FETUB: variants seen among roughly 807,000 people sequenced by gnomAD.
FETUB encodes fetuin B, also known as fetuin-B.
Under a neutral mutation model 30.9 loss-of-function variants are expected in FETUB, and 28 were observed. The observed-to-expected ratio is 0.90, with a 90% CI of 0.67 to 1.24. The LOEUF is 1.24. FETUB is among the 50% of genes most tolerant of loss of function. FETUB has a pLI of 0.00. For synonymous variants in FETUB, 186 were observed against 175.9 expected (o/e 1.06, Z -0.45); for missense variants, 469 against 455.3 (o/e 1.03, Z -0.27).
At chr3:186,648,685 T>C (rs2108539431) in intron 5 of FETUB, among the ~76,000 whole-genome samples, 1 of 152,390 alleles carries the variant, frequency 6.6e-6, no homozygotes, top group East Asian at 1.9e-4. Flanking sequence ...AACAAAGTTT[T>C]GTAGTTTTCA....
chr3:186,647,806 C>A (rs1376348588), intron 5 of FETUB, among the ~76,000 whole-genome samples: 1 of 152,022 alleles, frequency 6.6e-6, no homozygotes, highest in Non-Finnish European at 1.5e-5. Flanking sequence ...ACTTTCTTGA[C>A]AACGTTCTTT....
intron 5 of FETUB, among the ~76,000 whole-genome samples, chr3:186,649,321 C>G (rs920751540): frequency 1.3e-5 from 2 of 152,138 alleles, no homozygotes; most frequent in Non-Finnish European, 2.9e-5. Flanking sequence ...TTTAGGCAAT[C>G]TGTTTAGACA....
At position 186,642,510 on chromosome 3, in the gene FETUB, C is replaced by T. The variant is rs1219069418; in HGVS notation, c.376C>T (p.Pro126Ser). ...CAAAGCAATATTTTATATGAACAAC[C>T]CAAGTAGAGTTCTCTATTTAGCTGC... ...QCKAIFYMNN[P>S]SRVLYLAAYN... The change falls in exon 3 of 7, where the codon CCA (proline) becomes TCA (serine). Residue 126 changes from proline to serine, a missense_variant. Pro to Ser is a moderately conservative substitution (Grantham distance 74). Transcript: ENST00000265029. 2 of 1,610,206 alleles carry T rather than the reference C, an allele frequency of 1.2e-6. No individual in the cohort carries two copies. Among genetic ancestry groups the T allele is most frequent in the Non-Finnish European group, 1.7e-6 (2 of 1,177,012 alleles).
Position 186,646,346 on chromosome 3 carries a change from T to C in FETUB, c.693T>C (p.Ser231=). The C allele has an allele frequency of 6.2e-7, 1 of 1,608,620 alleles. No homozygotes were observed. Among genetic ancestry groups the C allele is most frequent in the African/African-American group, 1.3e-5 (1 of 74,904 alleles). Residue 231 remains serine, a synonymous_variant, in exon 5 of 7, where the codon TCT becomes TCC. Coordinates refer to ENST00000265029, the MANE Select transcript of FETUB (RefSeq NM_014375.3). Reference sequence around the variant, plus strand: ...GCTGTTCACTTCAGTCCTCCGACTCTGTGGTGAGTTTTCCTGAATGTCTTC... The same window carrying C: ...GCTGTTCACTTCAGTCCTCCGACTCCGTGGTGAGTTTTCCTGAATGTCTTC... ...ASSCSLQSSD[S]VPVGLCKGSL... is the part of the protein sequence containing the mutation.
At chr3:186,651,509 A>G in intron 6 of FETUB, 1 of 537,832 alleles carries the variant, frequency 1.9e-6, no homozygotes, top group Non-Finnish European at 3.3e-6. Flanking sequence ...AGAATAAGCA[A>G]GACAAATTCA....
rs1220024481 is a variant in FETUB at position 186,652,879 on chromosome 3, A to C, written c.*248A>C. On this transcript the variant is annotated 3_prime_UTR_variant, in exon 7 of 7. Coordinates refer to ENST00000265029, the MANE Select transcript of FETUB (RefSeq NM_014375.3). ...ATCACCTCCTAAACTGAGCAGTCTC[A>C]TACCATGGAGAGATGCCTCTCTTAT... is the stretch of plus-strand genomic sequence containing the variant. The C allele has an allele frequency of 2.5e-6, 1 of 407,204 alleles. No individual in the cohort carries two copies. The highest frequency in any genetic ancestry group is 4.4e-6 in the Non-Finnish European group (1 of 229,736). 25.2% of individuals were successfully genotyped at this position (407,204 alleles called of 1,614,324 possible).
chr3:186,643,086 C>T (rs1198967927), intron 3 of FETUB, among the ~76,000 whole-genome samples: 1 of 152,158 alleles, frequency 6.6e-6, no homozygotes, highest in East Asian at 1.9e-4. Flanking sequence ...AGGAATGGTG[C>T]TTTTGTAATC....
chr3:186,651,798 G>C (rs1447807659), intron 6 of FETUB: 2 of 176,810 alleles, frequency 1.1e-5, no homozygotes, highest in Admixed American at 1.1e-4. Context: ...TGTGTAACAG[G>C]CACACACTTA....
upstream of FETUB, chr3:186,636,093 C>A (rs1380012687): frequency 2.0e-5 from 3 of 152,234 alleles, no homozygotes; most frequent in African/African-American, 7.2e-5. Context: ...TACTCACCCC[C>A]AGGCCTGAAC....
intron 6 of FETUB, among the ~76,000 whole-genome samples, 168 bp from the exon 7 acceptor site, chr3:186,652,094 CT>C (rs771600127): frequency 1.6e-4 from 24 of 152,182 alleles, no homozygotes; most frequent in Non-Finnish European, 2.8e-4. Flanking sequence ...CTGGTTCCCC[CT>C]GGCCCTTATC....
At chr3:186,647,039 T>A (rs1167916205) in intron 5 of FETUB, 1 of 152,242 alleles carries the variant, frequency 6.6e-6, no homozygotes, top group African/African-American at 2.4e-5. Context: ...GGAAACCACT[T>A]ACCTACTTTC....
At chr3:186,640,101 G>A (rs1288123329), upstream of FETUB, among the ~76,000 whole-genome samples, 2 of 152,196 alleles carry the variant, frequency 1.3e-5, no homozygotes, top group Admixed American at 6.5e-5. Flanking sequence ...AAGGTGTTAG[G>A]GGAGAGGGGG....
Position 186,640,508 on chromosome 3 carries a change from C to T in FETUB, c.48C>T (p.Cys16=), listed in dbSNP as rs112267492. 58 of 1,614,066 alleles carry T rather than the reference C, an allele frequency of 3.6e-5. No homozygotes were observed. The highest frequency in any genetic ancestry group is 1.5e-4 in the South Asian group (14 of 91,082). The change falls in exon 1 of 7, where the codon TGC becomes TGT. Residue 16 remains cysteine, a synonymous_variant. Transcript: ENST00000265029. ...CACTCTGCATCCTAGTCCTGTGCTG[C>T]GGAGCAATGTCTCCACCCCAGCTGG... is the stretch of plus-strand genomic sequence containing the variant. ...PLALCILVLC[C]GAMSPPQLAL...
At chr3:186,637,380 A>G (rs1055761052), upstream of FETUB, among the ~76,000 whole-genome samples, 6 of 152,182 alleles carry the variant, frequency 3.9e-5, no homozygotes, top group African/African-American at 1.4e-4. Flanking sequence ...CAGTTTTGCT[A>G]AGTACACATC....
In FETUB at chr3:186,644,879, A is replaced by G; in HGVS notation, c.553A>G (p.Lys185Glu). The G allele has an allele frequency of 6.2e-7, 1 of 1,613,854 alleles. No individual in the cohort carries two copies. The highest frequency in any genetic ancestry group is 8.5e-7 in the Non-Finnish European group (1 of 1,179,952). ...LAKYNNENTS[K>E]QYSLFKVTRA... The stretch of plus-strand genomic sequence containing the variant: ...GAAATACAACAATGAGAACACATCC[A>G]AGCAGTATTCTCTCTTCAAAGTCAC... The change falls in exon 4 of 7, where the codon AAG becomes GAG. Residue 185 changes from lysine to glutamate, a missense_variant. Lys to Glu is a moderately conservative substitution (Grantham distance 56). Transcript: ENST00000265029.
upstream of FETUB, among the ~76,000 whole-genome samples, chr3:186,637,045 C>T (rs1560017038): frequency 6.6e-6 from 1 of 152,146 alleles, no homozygotes; most frequent in Non-Finnish European, 1.5e-5. Context: ...CTCAGGCAGG[C>T]AATGTAACCT....
Position 186,646,280 on chromosome 3 carries a change from CTTAA to C in FETUB, c.632_635del (p.Ile211LysfsTer30), listed in dbSNP as rs1560024294. On this transcript the variant is annotated frameshift_variant, in exon 5 of 7. Coordinates refer to ENST00000265029, the MANE Select transcript of FETUB (RefSeq NM_014375.3). LOFTEE classifies it high-confidence loss of function. ...TCGGCCCTTCTTACTTTGTGGAATA[CTTAA>C]TTAAAGAATCACCATGTACTAAATC... is the stretch of plus-strand genomic sequence containing the variant. The C allele has an allele frequency of 2.5e-6, 4 of 1,613,834 alleles. No homozygotes were observed. In the African/African-American group the frequency reaches 4.0e-5, roughly 16 times the overall value.
chr3:186,641,813 A>G (rs1161551445), intron 2 of FETUB: 1 of 152,318 alleles, frequency 6.6e-6, no homozygotes, highest in African/African-American at 2.4e-5. Flanking sequence ...AAACTATTTG[A>G]TCAAGATATT....
chr3:186,639,492 C>T (rs1377068401), upstream of FETUB, among the ~76,000 whole-genome samples: 1 of 152,110 alleles, frequency 6.6e-6, no homozygotes, highest in Non-Finnish European at 1.5e-5. Context: ...ATAGAATGCC[C>T]TTCATGATAA....
Sources: allele counts gnomAD v4.1 joint callset (sites outside exome capture counted in the v4.1 genomes callset), GRCh38; gene constraint gnomAD v4.1.1; transcripts MANE v1.5; gene names NCBI Gene and HGNC (gene_info 2026-07-23, HGNC 2026-07-21).